The following PTPRZ1 variants were observed in gnomAD, a reference collection of about 807,000 sequenced individuals.
PTPRZ1 encodes receptor-type tyrosine-protein phosphatase zeta.
Under a neutral mutation model 214.1 loss-of-function variants are expected in PTPRZ1, and 82 were observed. The observed-to-expected ratio is 0.38, with a 90% CI of 0.32 to 0.46. The LOEUF is 0.46. Among genes scored for constraint, PTPRZ1 ranks in the 20% least tolerant of loss-of-function variants. The pLI, the probability that PTPRZ1 is intolerant of heterozygous loss-of-function variation, is 1.00. For missense variants in PTPRZ1, 2,603 were observed against 2,748.7 expected (o/e 0.95, Z 1.19); for synonymous variants, 945 against 987.9 (o/e 0.96, Z 0.81).
intron 2 of PTPRZ1, among the ~76,000 whole-genome samples, chr7:121,950,670 A>G (rs1208282261): frequency 6.6e-6 from 1 of 152,188 alleles, no homozygotes; most frequent in Non-Finnish European, 1.5e-5. Flanking sequence ...CAGGGAAGTG[A>G]TCATGTGCAC....
chr7:121,895,399 G>C (rs1794757412), intron 1 of PTPRZ1, among the ~76,000 whole-genome samples: 1 of 152,128 alleles, frequency 6.6e-6, no homozygotes, highest in Non-Finnish European at 1.5e-5. Context: ...TGATAGTGTT[G>C]GGTAGAATTG....
chr7:122,021,505 A>G (rs1299883732), intron 13 of PTPRZ1, among the ~76,000 whole-genome samples: 3 of 152,070 alleles, frequency 2.0e-5, no homozygotes, highest in African/African-American at 7.2e-5. Flanking sequence ...AGGTGAAGTA[A>G]GTAGATCACT....
At chr7:121,992,407 T>C (rs766503201) in intron 8 of PTPRZ1, among the ~76,000 whole-genome samples, 13 of 152,202 alleles carry the variant, frequency 8.5e-5, no homozygotes, top group Non-Finnish European at 1.8e-4. Flanking sequence ...GCTTTGCTTA[T>C]TAATATTTTA....
chr7:121,971,732 G>A (rs1173951992), intron 3 of PTPRZ1, among the ~76,000 whole-genome samples: 1 of 152,110 alleles, frequency 6.6e-6, no homozygotes, highest in Non-Finnish European at 1.5e-5. Flanking sequence ...TATTGTGCTT[G>A]TTATTATTAT....
intron 3 of PTPRZ1, 49 bp downstream of exon 3, chr7:121,968,179 A>G: frequency 6.7e-7 from 1 of 1,481,556 alleles, no homozygotes; most frequent in East Asian, 2.3e-5. Flanking sequence ...TCAGACCTGG[A>G]GTATGTTTAG....
intron 1 of PTPRZ1, among the ~76,000 whole-genome samples, chr7:121,885,313 G>A (rs1794365200): frequency 6.6e-6 from 1 of 152,084 alleles, no homozygotes; most frequent in Non-Finnish European, 1.5e-5. Flanking sequence ...GTAAACTCTT[G>A]GTGCCAAAAT....
chr7:121,904,435 C>A (rs1363516330), intron 1 of PTPRZ1, among the ~76,000 whole-genome samples: 8 of 152,194 alleles, frequency 5.3e-5, no homozygotes. Context: ...AGAAAGCAGA[C>A]ATAGGCCCCC....
At chr7:121,969,175 C>T (rs916213549) in intron 3 of PTPRZ1, among the ~76,000 whole-genome samples, 1 of 152,056 alleles carries the variant, frequency 6.6e-6, no homozygotes, top group Non-Finnish European at 1.5e-5. Flanking sequence ...GAGTTGGAGG[C>T]TGCAGTGAGC....
In PTPRZ1 at chr7:121,873,487, A is replaced by G; in HGVS notation, c.-13A>G. On this transcript the variant is annotated 5_prime_UTR_variant, in exon 1 of 30. Coordinates refer to ENST00000393386, the MANE Select transcript of PTPRZ1 (RefSeq NM_002851.3). ...GAGGAGCCGCACGGCGAGGGGCCGC[A>G]GACCGTCTGGAAATGCGAATCCTAA... 6.2e-7 allele frequency: 1 copy of G among 1,613,746 alleles called. No individual in the cohort carries two copies. Among genetic ancestry groups the G allele is most frequent in the Non-Finnish European group, 8.5e-7 (1 of 1,180,002 alleles).
At position 122,025,330 on chromosome 7, in the gene PTPRZ1, CT is replaced by C. The variant is rs766588678; in HGVS notation, c.4989-3206del. ...TCAAAACAGTCTTTTCTTTTTTTTT[CT>C]TTTTTTTTTTTTTTTGAGACAGAGT... On this transcript the variant is annotated intron_variant, in intron 13 of 29. Transcript: ENST00000393386. Among the ~76,000 whole-genome samples, 551 of 132,840 alleles carry C rather than the reference CT, an allele frequency of 4.1e-3. 3 individuals carry two copies. The highest frequency in any genetic ancestry group is 0.011 in the African/African-American group (391 of 36,418). 87.1% of individuals were successfully genotyped at this position (132,840 alleles called of 152,430 possible).
At chr7:121,971,945 G>T (rs1470248423) in intron 3 of PTPRZ1, among the ~76,000 whole-genome samples, 2 of 152,048 alleles carry the variant, frequency 1.3e-5, no homozygotes, top group African/African-American at 2.4e-5. Flanking sequence ...ACTCATACAG[G>T]GGAGTTTAAG....
rs371692415 is a variant in PTPRZ1 at position 121,973,940 on chromosome 7, GAAAAAAA to G, written c.456+1265_456+1271del. On this transcript the variant is annotated intron_variant, in intron 4 of 29. Transcript: ENST00000393386. Reference sequence around the variant, plus strand: ...TGGAGTGAGACGCTGTCTCAAAAAAGAAAAAAAAAAAAAAAAAAAAAAAGCAATTGAT... The same window carrying G: ...TGGAGTGAGACGCTGTCTCAAAAAAGAAAAAAAAAAAAAAAAGCAATTGAT... 3.0e-4 allele frequency among the ~76,000 whole-genome samples: 26 copies of G among 86,218 alleles called. No homozygotes were observed. In the South Asian group the frequency reaches 3.2e-3, roughly 11 times the overall value. The allele number at this position is 86,218 out of a possible 152,430, so 56.6% of individuals were successfully genotyped here.
intron 2 of PTPRZ1, among the ~76,000 whole-genome samples, chr7:121,957,999 CTCTT>C (rs559536000): frequency 9.9e-5 from 15 of 152,244 alleles, no homozygotes; most frequent in African/African-American, 3.6e-4. Context: ...TAACTTCAAA[CTCTT>C]TCTTTTAATA....
Position 122,058,887 on chromosome 7 carries a change from A to C in PTPRZ1, c.6616A>C (p.Ser2206Arg). ...SPISKTFELI[S>R]VIKEEAANRD... ...CATTAGTAAAACTTTTGAACTTATAAGTGTTATAAAAGAAGAAGCTGCCAA... is the reference window on the plus strand; with the variant it reads ...CATTAGTAAAACTTTTGAACTTATACGTGTTATAAAAGAAGAAGCTGCCAA... The change falls in exon 28 of 30, where the codon AGT (serine) becomes CGT (arginine). Residue 2206 changes from serine (S) to arginine (R), a missense_variant. Physicochemically the swap from Ser to Arg is moderately radical, Grantham distance 110. This residue lies in a region of PTPRZ1 where 165 missense variants were observed against 151.4 expected (regional missense o/e 1.09). Coordinates refer to ENST00000393386, the MANE Select transcript of PTPRZ1 (RefSeq NM_002851.3). The C allele has an allele frequency of 6.3e-7, 1 of 1,593,006 alleles. No homozygotes were observed. The highest frequency in any genetic ancestry group is 8.6e-7 in the Non-Finnish European group (1 of 1,161,078).
At chr7:122,019,476 C>A (rs1224709655) in intron 13 of PTPRZ1, among the ~76,000 whole-genome samples, 1 of 152,102 alleles carries the variant, frequency 6.6e-6, no homozygotes, top group Non-Finnish European at 1.5e-5. Flanking sequence ...AATGGAGAAA[C>A]TTTTACCCGT....
chr7:121,996,843 G>A (rs1350735309), intron 9 of PTPRZ1, among the ~76,000 whole-genome samples: 6 of 152,170 alleles, frequency 3.9e-5, no homozygotes, highest in Non-Finnish European at 8.8e-5. Flanking sequence ...AGATCATTTA[G>A]TGTGGCCTTT....
chr7:122,012,247 A>T lies in PTPRZ1; in HGVS notation c.3201A>T (p.Glu1067Asp). ...PSFNEMVYPS[E>D]STVMPNMYDN... The stretch of plus-strand genomic sequence containing the variant: ...TCAATGAGATGGTTTACCCTTCTGA[A>T]AGCACAGTCATGCCCAACATGTATG... Residue 1067 changes from glutamate to aspartate, a missense_variant, in exon 12 of 30, where the codon GAA becomes GAT. Transcript: ENST00000393386. The T allele has an allele frequency of 1.2e-6, 2 of 1,614,142 alleles. No homozygotes were observed. The highest frequency in any genetic ancestry group is 1.7e-6 in the Non-Finnish European group (2 of 1,179,990).
At chr7:122,036,724 G>A in intron 18 of PTPRZ1, 42 bp downstream of exon 18, 2 of 1,368,084 alleles carry the variant, frequency 1.5e-6, no homozygotes, top group South Asian at 2.4e-5. Context: ...AATCATATTA[G>A]ACTGAATTAT....
chr7:122,013,504 A>G lies in PTPRZ1; in HGVS notation c.4458A>G (p.Arg1486=), dbSNP rs748794252. Reference sequence around the variant, plus strand: ...CTGAGAATTCTGAAGAAGATAATAGAGTCACAAGTGTATCCTCAGACAGTC... The same window carrying G: ...CTGAGAATTCTGAAGAAGATAATAGGGTCACAAGTGTATCCTCAGACAGTC... ...SLSENSEEDN[R]VTSVSSDSQT... The change falls in exon 12 of 30, where the codon AGA becomes AGG. Residue 1486 remains arginine (R), a synonymous_variant. Transcript: ENST00000393386. 3.0e-5 allele frequency: 48 copies of G among 1,614,052 alleles called. No homozygotes were observed. The highest frequency in any genetic ancestry group is 8.5e-7 in the Non-Finnish European group (1 of 1,180,052).
Sources: allele counts gnomAD v4.1 joint callset (sites outside exome capture counted in the v4.1 genomes callset), GRCh38; gene constraint gnomAD v4.1.1; regional missense constraint gnomAD v4.1.1; transcripts MANE v1.5; gene names NCBI Gene and HGNC (gene_info 2026-07-23, HGNC 2026-07-21).